CDH12: variants seen among roughly 807,000 people sequenced by gnomAD.
CDH12 encodes the protein cadherin-12.
Under a neutral mutation model 74.1 loss-of-function variants are expected in CDH12, and 41 were observed. That is an observed-to-expected ratio of 0.55 (90% CI 0.43 to 0.72). The LOEUF is 0.72. Among genes scored for constraint, CDH12 ranks in the 30% least tolerant of loss-of-function variants. CDH12 has a pLI of 0.00. For missense variants in CDH12, 945 were observed against 977.2 expected (o/e 0.97, Z 0.44); for synonymous variants, 399 against 355.0 (o/e 1.12, Z -1.39).
intron 1 of CDH12, among the ~76,000 whole-genome samples, chr5:22,567,388 C>T (rs747058301): frequency 3.3e-5 from 5 of 152,254 alleles, no homozygotes; most frequent in Middle Eastern, 3.4e-3. Context: ...TTTAAGGAAG[C>T]CTGAGGGGCA....
chr5:22,611,227 C>T (rs994416937), intron 1 of CDH12, among the ~76,000 whole-genome samples: 1 of 152,038 alleles, frequency 6.6e-6, no homozygotes, highest in African/African-American at 2.4e-5. Context: ...AAAACTGAAC[C>T]AATTTTATAC....
intron 1 of CDH12, among the ~76,000 whole-genome samples, chr5:22,537,260 A>T (rs889965273): frequency 5.9e-5 from 9 of 152,332 alleles, no homozygotes; most frequent in Middle Eastern, 3.4e-3. Flanking sequence ...GAAGTTAACA[A>T]GGTACCCATT....
intron 1 of CDH12, among the ~76,000 whole-genome samples, chr5:22,523,481 T>C (rs902770598): frequency 6.6e-6 from 1 of 152,208 alleles, no homozygotes; most frequent in African/African-American, 2.4e-5. Flanking sequence ...CATTTCAAAG[T>C]ATCTTGAACT....
At chr5:22,446,345 G>A (rs1393311595) in intron 2 of CDH12, among the ~76,000 whole-genome samples, 1 of 152,048 alleles carries the variant, frequency 6.6e-6, no homozygotes, top group Non-Finnish European at 1.5e-5. Flanking sequence ...GACGTGCCAA[G>A]TTTCCAAGCC....
chr5:22,218,667 T>C (rs763495818), intron 3 of CDH12, among the ~76,000 whole-genome samples: 3 of 151,690 alleles, frequency 2.0e-5, no homozygotes, highest in Non-Finnish European at 3.0e-5. Context: ...TTCACAGGTG[T>C]ATATATGTGT....
intron 2 of CDH12, among the ~76,000 whole-genome samples, chr5:22,423,164 C>T (rs1339025269): frequency 6.8e-6 from 1 of 146,332 alleles, no homozygotes; most frequent in African/African-American, 2.5e-5. Context: ...GCTAATTTTA[C>T]ACACCATTGT....
chr5:22,175,427 A>G (rs992768942), intron 4 of CDH12, among the ~76,000 whole-genome samples: 2 of 152,012 alleles, frequency 1.3e-5, no homozygotes, highest in African/African-American at 4.8e-5. Flanking sequence ...TCAGGATCAA[A>G]CAGAAAGCTA....
At chr5:22,767,320 C>T (rs940412767) in intron 1 of CDH12, among the ~76,000 whole-genome samples, 2 of 151,910 alleles carry the variant, frequency 1.3e-5, no homozygotes, top group African/African-American at 4.8e-5. Flanking sequence ...TGGATATAAA[C>T]ATTATATTAT....
intron 3 of CDH12, among the ~76,000 whole-genome samples, chr5:22,281,456 G>A (rs557238399): frequency 4.6e-5 from 7 of 152,108 alleles, no homozygotes; most frequent in Non-Finnish European, 1.0e-4. Context: ...CAGATGACAT[G>A]GTTTTATGCT....
At chr5:21,890,602 G>C (rs1270570239) in intron 6 of CDH12, among the ~76,000 whole-genome samples, 1 of 151,936 alleles carries the variant, frequency 6.6e-6, no homozygotes, top group Non-Finnish European at 1.5e-5. Flanking sequence ...TTTTACATTT[G>C]TTTATTTGCA....
chr5:22,340,540 A>T (rs1739802649), intron 3 of CDH12, among the ~76,000 whole-genome samples: 1 of 151,662 alleles, frequency 6.6e-6, no homozygotes, highest in Non-Finnish European at 1.5e-5. Context: ...AAAAAAAAAA[A>T]ATCTGTTTTT....
intron 6 of CDH12, among the ~76,000 whole-genome samples, chr5:21,939,407 GA>G (rs1755224897): frequency 6.6e-6 from 1 of 151,532 alleles, no homozygotes; most frequent in Non-Finnish European, 1.5e-5. Flanking sequence ...AAGAACTTTG[GA>G]AAAATATTTT....
intron 1 of CDH12, among the ~76,000 whole-genome samples, chr5:22,816,866 A>G (rs1749419691): frequency 6.6e-6 from 1 of 152,124 alleles, no homozygotes; most frequent in Non-Finnish European, 1.5e-5. Flanking sequence ...AAACCAGCAT[A>G]TCTTTATGTA....
intron 4 of CDH12, among the ~76,000 whole-genome samples, chr5:22,097,146 A>C (rs1743830705): frequency 6.6e-6 from 1 of 152,172 alleles, no homozygotes; most frequent in Non-Finnish European, 1.5e-5. Context: ...ACCAGGCCAA[A>C]GAATGCCCCA....
chr5:22,127,709 C>G (rs531879440), intron 4 of CDH12, among the ~76,000 whole-genome samples: 1 of 152,186 alleles, frequency 6.6e-6, no homozygotes, highest in African/African-American at 2.4e-5. Context: ...AATGATTATG[C>G]AAAAGAAGCC....
At chr5:21,880,199 C>T (rs1752166184) in intron 6 of CDH12, among the ~76,000 whole-genome samples, 1 of 152,176 alleles carries the variant, frequency 6.6e-6, no homozygotes, top group Non-Finnish European at 1.5e-5. Flanking sequence ...TTTGTTCATT[C>T]CCTGAATTGT....
At chr5:21,945,906 A>G (rs902103121) in intron 6 of CDH12, among the ~76,000 whole-genome samples, 6 of 152,156 alleles carry the variant, frequency 3.9e-5, no homozygotes, top group Admixed American at 1.3e-4. Flanking sequence ...AATTGGATGG[A>G]AGACATAAAC....
rs542651526 is a variant in CDH12, at chr5:22,824,742, G to T, written c.-523+28316C>A. On this transcript the variant is annotated intron_variant, in intron 1 of 14. Coordinates refer to ENST00000382254, the MANE Select transcript of CDH12 (RefSeq NM_004061.5). ...TAAATAAAAATTACAAAATAAGATA[G>T]AGAAAAAAATTCAAATATGTCAGCA... 1.3e-3 allele frequency among the ~76,000 whole-genome samples: 194 copies of T among 151,768 alleles called. 1 individual carries two copies. The highest frequency in any genetic ancestry group is 5.1e-3 in the Admixed American group (77 of 15,226).
chr5:22,509,163 G>T (rs1736505727), intron 1 of CDH12, among the ~76,000 whole-genome samples: 1 of 152,106 alleles, frequency 6.6e-6, no homozygotes, highest in Non-Finnish European at 1.5e-5. Context: ...CCTAGGACAG[G>T]CATATAATTA....
Sources: gnomAD v4.1 joint callset for allele counts (sites outside exome capture counted in the v4.1 genomes callset) on GRCh38, gnomAD v4.1.1 for gene constraint, MANE v1.5 for transcripts, NCBI Gene and HGNC (gene_info 2026-07-23, HGNC 2026-07-21) for gene names.